The following LRRC7 variants were observed in gnomAD, a reference collection of about 807,000 sequenced individuals.
LRRC7 encodes leucine rich repeat containing 7.
In LRRC7, 23 loss-of-function variants were observed where a neutral mutation model predicts 175.7. That is an observed-to-expected ratio of 0.13 (90% CI 0.09 to 0.19). LRRC7 has a LOEUF of 0.19. Among genes scored for constraint, LRRC7 ranks in the 10% least tolerant of loss-of-function variants. The pLI is 1.00. For synonymous variants in LRRC7, 685 were observed against 680.9 expected (o/e 1.01, Z -0.09); for missense variants, 1,354 against 1,904.7 (o/e 0.71, Z 5.38).
chr1:69,948,304 C>A (rs1305885198), intron 8 of LRRC7, among the ~76,000 whole-genome samples: 1 of 152,046 alleles, frequency 6.6e-6, no homozygotes, highest in East Asian at 1.9e-4. Context: ...TAACAGTAAG[C>A]TTTATACTTT....
chr1:69,852,291 T>C (rs1384276297), intron 7 of LRRC7, among the ~76,000 whole-genome samples: 1 of 152,160 alleles, frequency 6.6e-6, no homozygotes, highest in African/African-American at 2.4e-5. Flanking sequence ...ATGTGGGGCA[T>C]ACAGAAGGCT....
chr1:69,777,974 G>A (rs1673005994), intron 3 of LRRC7, among the ~76,000 whole-genome samples: 1 of 152,150 alleles, frequency 6.6e-6, no homozygotes, highest in African/African-American at 2.4e-5. Flanking sequence ...ATGCAGCTTA[G>A]CATGGAATGC....
chr1:69,995,138 A>G (rs887974157), intron 11 of LRRC7, among the ~76,000 whole-genome samples: 6 of 152,194 alleles, frequency 3.9e-5, no homozygotes, highest in African/African-American at 7.2e-5. Flanking sequence ...AAACTTCAAG[A>G]TGAAAGTCTA....
chr1:69,835,739 C>T (rs1243698889), intron 6 of LRRC7, among the ~76,000 whole-genome samples: 2 of 151,650 alleles, frequency 1.3e-5, no homozygotes, highest in Non-Finnish European at 2.9e-5. Flanking sequence ...TTGTTATTTA[C>T]AATGTGAAAA....
chr1:70,058,012 A>G (rs1231918190), intron 23 of LRRC7, among the ~76,000 whole-genome samples: 2 of 134,498 alleles, frequency 1.5e-5, no homozygotes, highest in African/African-American at 2.7e-5. Flanking sequence ...CAGACTCACA[A>G]TTTTTTTTTT....
chr1:69,815,989 T>C lies in LRRC7; in HGVS notation c.422-9759T>C, dbSNP rs571326897. 3.5e-4 allele frequency among the ~76,000 whole-genome samples: 48 copies of C among 138,646 alleles called. No homozygotes were observed. In the South Asian group the frequency reaches 9.2e-3, roughly 27 times the overall value. 91.0% of individuals were successfully genotyped at this position (138,646 alleles called of 152,430 possible). A position where few individuals can be genotyped will look rare whatever the true frequency, so the allele number is the denominator to read the frequency against. ...ATTTATTTATTTATTTATTTATTTA[T>C]TTACTATTTGAGACCTAGTCTTGCT... On this transcript the variant is annotated intron_variant, in intron 4 of 26. Coordinates refer to ENST00000651989, the MANE Select transcript of LRRC7 (RefSeq NM_001370785.2).
chr1:70,035,666 A>G (rs1489929238), intron 18 of LRRC7, among the ~76,000 whole-genome samples: 1 of 151,412 alleles, frequency 6.6e-6, no homozygotes, highest in Non-Finnish European at 1.5e-5. Flanking sequence ...GGTCAGTGAT[A>G]TACTTTCCTC....
At chr1:69,940,047 A>G (rs948597596) in intron 8 of LRRC7, among the ~76,000 whole-genome samples, 4 of 152,152 alleles carry the variant, frequency 2.6e-5, no homozygotes, top group Admixed American at 2.0e-4. Context: ...AAATATGCAT[A>G]TGTACATAAA....
intron 7 of LRRC7, among the ~76,000 whole-genome samples, chr1:69,866,407 C>T (rs750791165): frequency 1.3e-5 from 2 of 152,114 alleles, no homozygotes; most frequent in African/African-American, 2.4e-5. Context: ...AGTGTGAACT[C>T]AGCAGCAGGC....
chr1:69,780,428 G>A (rs1477585542), intron 3 of LRRC7, among the ~76,000 whole-genome samples: 5 of 152,086 alleles, frequency 3.3e-5, no homozygotes, highest in Admixed American at 1.3e-4. Flanking sequence ...CTGTCACTGA[G>A]TAGATGTCCA....
chr1:69,592,661 G>A (rs1301057186), intron 1 of LRRC7, among the ~76,000 whole-genome samples: 1 of 152,040 alleles, frequency 6.6e-6, no homozygotes, highest in African/African-American at 2.4e-5. Flanking sequence ...ACGTATCATA[G>A]GAGTAGAAAT....
intron 3 of LRRC7, among the ~76,000 whole-genome samples, chr1:69,782,459 G>A (rs1234249626): frequency 2.6e-5 from 4 of 152,196 alleles, no homozygotes; most frequent in Non-Finnish European, 5.9e-5. Flanking sequence ...AGAGTAGAGG[G>A]GAGGTGGGAT....
At chr1:69,924,013 C>T (rs1365045492) in intron 7 of LRRC7, among the ~76,000 whole-genome samples, 6 of 152,094 alleles carry the variant, frequency 3.9e-5, no homozygotes, top group African/African-American at 1.2e-4. Context: ...TTTCAGCTTT[C>T]TACATATGGC....
At chr1:70,113,988 A>G (rs951875639) in intron 26 of LRRC7, among the ~76,000 whole-genome samples, 3 of 152,180 alleles carry the variant, frequency 2.0e-5, no homozygotes, top group African/African-American at 7.2e-5. Flanking sequence ...TGATGTTCAC[A>G]GTTATTACCG....
At chr1:70,031,641 T>C (rs1477279489) in intron 18 of LRRC7, among the ~76,000 whole-genome samples, 1 of 152,224 alleles carries the variant, frequency 6.6e-6, no homozygotes, top group Non-Finnish European at 1.5e-5. Flanking sequence ...ATTAATGGCA[T>C]ACATGCACCT....
chr1:69,960,480 C>G (rs1198582117), intron 8 of LRRC7, among the ~76,000 whole-genome samples: 1 of 152,034 alleles, frequency 6.6e-6, no homozygotes, highest in Non-Finnish European at 1.5e-5. Flanking sequence ...TTCTCTATCT[C>G]CTTCAGTTTG....
intron 8 of LRRC7, among the ~76,000 whole-genome samples, chr1:69,937,040 A>G (rs964679047): frequency 7.9e-5 from 12 of 152,080 alleles, no homozygotes; most frequent in African/African-American, 2.4e-4. Flanking sequence ...TTTTACTTAT[A>G]TCTAGCTATC....
At chr1:70,018,948 A>G (rs147703624) in intron 15 of LRRC7, 130 bp downstream of exon 15, 3 of 592,322 alleles carry the variant, frequency 5.1e-6, no homozygotes, top group Admixed American at 3.0e-5. Context: ...ATGACACACA[A>G]ATATCATTTG....
rs538805122 is a variant in LRRC7 at position 69,719,916 on chromosome 1, T to C, written c.101-40275T>C. The stretch of plus-strand genomic sequence containing the variant: ...TTTGCTTTAAAATCTACTCTTTCTG[T>C]TTTTAGCACAAACACTGCCAACTTA... On this transcript the variant is annotated intron_variant, in intron 2 of 26. Coordinates refer to ENST00000651989, the MANE Select transcript of LRRC7 (RefSeq NM_001370785.2). Among the ~76,000 whole-genome samples the C allele has an allele frequency of 1.3e-5, 2 of 151,758 alleles. 1 individual carries two copies. Among genetic ancestry groups the C allele is most frequent in the South Asian group, 4.1e-4 (2 of 4,832 alleles).
Sources: allele counts gnomAD v4.1 joint callset (sites outside exome capture counted in the v4.1 genomes callset), GRCh38; gene constraint gnomAD v4.1.1; transcripts MANE v1.5; gene names NCBI Gene and HGNC (gene_info 2026-07-23, HGNC 2026-07-21).